The following CADM2 variants were observed in gnomAD, a reference collection of about 807,000 sequenced individuals.
CADM2 encodes the protein immunoglobulin superfamily member 4D.
Under a neutral mutation model 49.8 loss-of-function variants are expected in CADM2, and 12 were observed. The ratio of observed to expected loss-of-function variants is 0.24; its 90% CI spans 0.15 to 0.39. The LOEUF (loss-of-function observed/expected upper bound fraction) is 0.39, where lower values mean the gene tolerates loss of function less well. Ranked by LOEUF, CADM2 falls within the 10% of genes least tolerant of loss-of-function variation. The probability of loss-of-function intolerance (pLI) is 1.00; values close to 1 mark genes in which losing one functional copy is unlikely to be tolerated. For missense variants in CADM2, 378 were observed against 492.3 expected (o/e 0.77, Z 2.20); for synonymous variants, 214 against 175.4 (o/e 1.22, Z -1.74).
chr3:85,853,641 T>G (rs185241613), intron 3 of CADM2, among the ~76,000 whole-genome samples: 1 of 150,726 alleles, frequency 6.6e-6, no homozygotes, highest in Non-Finnish European at 1.5e-5. Flanking sequence ...AAATGCTTCT[T>G]AAATAAAACC....
chr3:86,029,835 C>T (rs116800749), intron 8 of CADM2, among the ~76,000 whole-genome samples: 5,766 of 151,964 alleles, frequency 0.038, 341 homozygotes, highest in African/African-American at 0.13. Context: ...TTATATGAGT[C>T]ATCAAAATTG....
chr3:85,229,449 C>A (rs187829611), intron 1 of CADM2, among the ~76,000 whole-genome samples: 1 of 152,286 alleles, frequency 6.6e-6, no homozygotes, highest in East Asian at 1.9e-4. Flanking sequence ...AACTCGCCCT[C>A]GGTGGGCTGC....
At chr3:85,932,646 T>A (rs554989014) in intron 6 of CADM2, among the ~76,000 whole-genome samples, 1 of 152,242 alleles carries the variant, frequency 6.6e-6, no homozygotes, top group South Asian at 2.1e-4. Context: ...GAGGAACAGA[T>A]GAAACATAGG....
chr3:85,282,706 A>G (rs2043534897), intron 1 of CADM2, among the ~76,000 whole-genome samples: 1 of 152,050 alleles, frequency 6.6e-6, no homozygotes, highest in South Asian at 2.1e-4. Flanking sequence ...TATTCCTCAA[A>G]ATGAGAATAT....
At chr3:85,051,010 C>T (rs2035862060) in intron 1 of CADM2, among the ~76,000 whole-genome samples, 1 of 152,138 alleles carries the variant, frequency 6.6e-6, no homozygotes, top group Non-Finnish European at 1.5e-5. Context: ...CTGCTTCATG[C>T]TATTCTTAAA....
chr3:85,687,790 G>A (rs142533603), intron 1 of CADM2, among the ~76,000 whole-genome samples: 1 of 152,156 alleles, frequency 6.6e-6, no homozygotes, highest in East Asian at 1.9e-4. Flanking sequence ...CTAGAGCAAG[G>A]GTCCCCACAC....
At chr3:85,619,009 C>T (rs12053838) in intron 1 of CADM2, among the ~76,000 whole-genome samples, 2,010 of 151,376 alleles carry the variant, frequency 0.013, 106 homozygotes, top group South Asian at 0.1. Flanking sequence ...CACTGCACTC[C>T]AGCCTGGGTG....
At chr3:85,605,432 C>T (rs1038364828) in intron 1 of CADM2, among the ~76,000 whole-genome samples, 10 of 151,876 alleles carry the variant, frequency 6.6e-5, no homozygotes, top group African/African-American at 1.7e-4. Flanking sequence ...GTAATCAGAG[C>T]GTGAATAAGC....
At chr3:85,174,575 A>G (rs906785958) in intron 1 of CADM2, among the ~76,000 whole-genome samples, 12 of 151,598 alleles carry the variant, frequency 7.9e-5, no homozygotes, top group Non-Finnish European at 1.8e-4. Flanking sequence ...CATTCCTATT[A>G]AGGATTAGGG....
At chr3:85,121,770 G>T (rs1344429207) in intron 1 of CADM2, among the ~76,000 whole-genome samples, 1 of 151,942 alleles carries the variant, frequency 6.6e-6, no homozygotes, top group Non-Finnish European at 1.5e-5. Context: ...AACTACAGTA[G>T]TCATTTACCT....
intron 1 of CADM2, among the ~76,000 whole-genome samples, chr3:85,173,977 G>A (rs2040706565): frequency 6.6e-6 from 1 of 152,026 alleles, no homozygotes; most frequent in Non-Finnish European, 1.5e-5. Context: ...AAGGGACTCA[G>A]GAGGTAATCT....
At chr3:85,542,999 A>G (rs1371844480) in intron 1 of CADM2, among the ~76,000 whole-genome samples, 1 of 152,208 alleles carries the variant, frequency 6.6e-6, no homozygotes, top group African/African-American at 2.4e-5. Flanking sequence ...TATTGGTCAA[A>G]CTATCATTTT....
intron 9 of CADM2, 41 bp downstream of exon 9, chr3:86,065,771 A>T (rs1166108919): frequency 1.9e-6 from 3 of 1,599,508 alleles, no homozygotes; most frequent in Non-Finnish European, 1.7e-6. Flanking sequence ...TGGGCAAAAT[A>T]TTCTAGACTA....
At chr3:85,532,201 AT>A (rs79058267) in intron 1 of CADM2, among the ~76,000 whole-genome samples, 4 of 43,142 alleles carry the variant, frequency 9.3e-5, no homozygotes, top group East Asian at 5.8e-3. Context: ...TAATAAAAAA[AT>A]AAAAATAGTG....
rs1210705806 is a variant in CADM2, at chr3:85,908,240, C to CT, written c.530-4123dup. ...ATGCAAGAAAATCAAGATATCTTGGCTTTTTTTTTTCTTCTTTTTTTTTTT... is the reference window on the plus strand; with the variant it reads ...ATGCAAGAAAATCAAGATATCTTGGCTTTTTTTTTTTCTTCTTTTTTTTTTT... On this transcript the variant is annotated intron_variant, in intron 5 of 9. Transcript: ENST00000383699. 3.4e-3 allele frequency among the ~76,000 whole-genome samples: 388 copies of CT among 114,536 alleles called. 1 individual carries two copies. Among genetic ancestry groups the CT allele is most frequent in the African/African-American group, 0.012 (358 of 30,750 alleles). The allele number at this position is 114,536 out of a possible 152,430, so 75.1% of individuals were successfully genotyped here.
intron 2 of CADM2, among the ~76,000 whole-genome samples, chr3:85,761,737 G>A: frequency 6.6e-6 from 1 of 152,060 alleles, no homozygotes; most frequent in East Asian, 1.9e-4. Flanking sequence ...TTCAACCATT[G>A]GGAAAAGAGA....
chr3:86,022,206 A>G (rs920231258), intron 8 of CADM2, among the ~76,000 whole-genome samples: 1 of 152,176 alleles, frequency 6.6e-6, no homozygotes, highest in African/African-American at 2.4e-5. Flanking sequence ...TTATAAATAC[A>G]CATACACACA....
intron 1 of CADM2, among the ~76,000 whole-genome samples, chr3:85,084,884 T>A (rs1052626444): frequency 2.0e-5 from 3 of 152,100 alleles, no homozygotes; most frequent in African/African-American, 7.2e-5. Context: ...AGATTCTTAA[T>A]GATAGGAGAC....
At chr3:85,882,615 G>A (rs894288953) in intron 3 of CADM2, among the ~76,000 whole-genome samples, 1 of 152,088 alleles carries the variant, frequency 6.6e-6, no homozygotes, top group Non-Finnish European at 1.5e-5. Context: ...TAATGCTTTT[G>A]TTTTTCTCCC....
Sources: allele counts gnomAD v4.1 joint callset (sites outside exome capture counted in the v4.1 genomes callset), GRCh38; gene constraint gnomAD v4.1.1; transcripts MANE v1.5; gene names NCBI Gene and HGNC (gene_info 2026-07-23, HGNC 2026-07-21).